Variants in LRMDA observed in about 807,000 individuals in gnomAD.
LRMDA encodes the protein leucine-rich melanocyte differentiation-associated protein.
In LRMDA, 18 loss-of-function variants were observed where a neutral mutation model predicts 29.8. That is an observed-to-expected ratio of 0.60 (90% CI 0.42 to 0.90). The LOEUF (loss-of-function observed/expected upper bound fraction) is 0.90, where lower values mean the gene tolerates loss of function less well. Ranked by LOEUF, LRMDA falls within the 40% of genes least tolerant of loss-of-function variation. The pLI, the probability that LRMDA is intolerant of heterozygous loss-of-function variation, is 0.00. For synonymous variants in LRMDA, 125 were observed against 109.4 expected (o/e 1.14, Z -0.89); for missense variants, 273 against 273.9 (o/e 1.00, Z 0.02).
At chr10:76,216,122 C>G (rs1483368054) in intron 5 of LRMDA, among the ~76,000 whole-genome samples, 4 of 152,150 alleles carry the variant, frequency 2.6e-5, no homozygotes, top group African/African-American at 9.7e-5. Flanking sequence ...GGGAGGCCAA[C>G]ACAGGAAGAT....
chr10:75,993,165 C>T (rs1323082), intron 2 of LRMDA, among the ~76,000 whole-genome samples: 1 of 151,840 alleles, frequency 6.6e-6, no homozygotes, highest in Non-Finnish European at 1.5e-5. Flanking sequence ...GGGTTGCTGC[C>T]CTGCCTGGGT....
intron 2 of LRMDA, among the ~76,000 whole-genome samples, chr10:75,938,782 G>C (rs1846339966): frequency 6.6e-6 from 1 of 152,178 alleles, no homozygotes; most frequent in South Asian, 2.1e-4. Context: ...CAATAAAGCA[G>C]CATAGAGGCT....
intron 5 of LRMDA, among the ~76,000 whole-genome samples, chr10:76,263,509 A>G (rs901282075): frequency 6.6e-6 from 1 of 152,172 alleles, no homozygotes; most frequent in Non-Finnish European, 1.5e-5. Context: ...TTTAGACTCA[A>G]TAAGATATTT....
At chr10:76,091,276 CGTGTGTGTGTGTGTGTGTGTGTGTGT>C (rs56145957) in intron 5 of LRMDA, among the ~76,000 whole-genome samples, 2 of 146,802 alleles carry the variant, frequency 1.4e-5, no homozygotes, top group African/African-American at 5.0e-5. Context: ...ACATGGTGGA[CGTGTGTGTGTGTGTGTGTGTGTGTGT>C]GTGTGTGTGT....
At chr10:75,986,439 G>A (rs903160977) in intron 2 of LRMDA, among the ~76,000 whole-genome samples, 20 of 152,362 alleles carry the variant, frequency 1.3e-4, no homozygotes, top group African/African-American at 3.6e-4. Context: ...TTCCACTGGG[G>A]GAGGGAGGAT....
At chr10:76,556,147 T>C (rs1843554119) in intron 6 of LRMDA, among the ~76,000 whole-genome samples, 1 of 152,158 alleles carries the variant, frequency 6.6e-6, no homozygotes, top group Non-Finnish European at 1.5e-5. Flanking sequence ...TTCAACCCTA[T>C]TGTAGGGGCA....
chr10:76,476,612 G>C (rs1321800762), intron 6 of LRMDA, among the ~76,000 whole-genome samples: 2 of 152,086 alleles, frequency 1.3e-5, no homozygotes, highest in African/African-American at 4.8e-5. Flanking sequence ...GAGAATTTTA[G>C]ACCAATATCC....
intron 6 of LRMDA, among the ~76,000 whole-genome samples, chr10:76,473,512 C>T (rs142352423): frequency 1.6e-3 from 245 of 151,004 alleles, no homozygotes; most frequent in African/African-American, 5.8e-3. Flanking sequence ...AAGTGTTAGC[C>T]CAGAAATTAG....
chr10:76,483,642 G>A (rs897724232), intron 6 of LRMDA, among the ~76,000 whole-genome samples: 1 of 151,370 alleles, frequency 6.6e-6, no homozygotes, highest in Non-Finnish European at 1.5e-5. Context: ...AGAAATAGTT[G>A]AAGTGTGGCT....
intron 6 of LRMDA, among the ~76,000 whole-genome samples, chr10:76,550,473 G>T (rs911818041): frequency 1.8e-4 from 22 of 122,848 alleles, no homozygotes; most frequent in South Asian, 2.8e-4. Context: ...CAGTATCCCC[G>T]CCCCCAACCC....
intron 6 of LRMDA, among the ~76,000 whole-genome samples, chr10:76,368,021 A>T (rs1038844635): frequency 6.6e-6 from 1 of 152,052 alleles, no homozygotes; most frequent in Non-Finnish European, 1.5e-5. Flanking sequence ...TTAATGGTCT[A>T]TCAATTTTAT....
intron 5 of LRMDA, among the ~76,000 whole-genome samples, chr10:76,059,539 C>G: frequency 6.6e-6 from 1 of 152,178 alleles, no homozygotes; most frequent in Non-Finnish European, 1.5e-5. Context: ...TCGGTGACCC[C>G]TGATGATCTC....
intron 2 of LRMDA, among the ~76,000 whole-genome samples, chr10:75,905,186 A>G (rs557466557): frequency 9.9e-5 from 15 of 151,348 alleles, no homozygotes; most frequent in African/African-American, 3.6e-4. Flanking sequence ...AGGCATGGGC[A>G]AGCACTATTT....
At chr10:75,932,611 C>T (rs1302750843) in intron 2 of LRMDA, among the ~76,000 whole-genome samples, 1 of 151,664 alleles carries the variant, frequency 6.6e-6, no homozygotes, top group Admixed American at 6.6e-5. Context: ...GACTCTATCT[C>T]AAACAAAACA....
intron 2 of LRMDA, among the ~76,000 whole-genome samples, chr10:75,630,519 G>C (rs903151652): frequency 1.2e-4 from 18 of 152,160 alleles, no homozygotes; most frequent in African/African-American, 4.1e-4. Context: ...GTTTCCAGAA[G>C]GGATATTAGA....
intron 6 of LRMDA, among the ~76,000 whole-genome samples, chr10:76,511,975 C>G (rs1056484844): frequency 6.6e-5 from 10 of 152,182 alleles, no homozygotes; most frequent in Non-Finnish European, 1.0e-4. Flanking sequence ...GGTTCTGTGT[C>G]CCCACACAGG....
chr10:75,957,206 T>C (rs947893172), intron 2 of LRMDA, among the ~76,000 whole-genome samples: 6 of 152,232 alleles, frequency 3.9e-5, no homozygotes, highest in African/African-American at 1.4e-4. Context: ...TGTATTTGAG[T>C]ACATTTAGCT....
chr10:75,725,387 G>C (rs527248359), intron 2 of LRMDA, among the ~76,000 whole-genome samples: 1 of 152,226 alleles, frequency 6.6e-6, no homozygotes, highest in Non-Finnish European at 1.5e-5. Context: ...GCTCTTCTTT[G>C]TCTCCTCTAG....
chr10:75,907,083 G>A (rs994735410), intron 2 of LRMDA, among the ~76,000 whole-genome samples: 2 of 152,186 alleles, frequency 1.3e-5, no homozygotes, highest in African/African-American at 4.8e-5. Flanking sequence ...TAATGTATAC[G>A]AAAGGGAAAA....
Sources: gnomAD v4.1 joint callset for allele counts (sites outside exome capture counted in the v4.1 genomes callset) on GRCh38, gnomAD v4.1.1 for gene constraint, MANE v1.5 for transcripts, NCBI Gene and HGNC (gene_info 2026-07-23, HGNC 2026-07-21) for gene names.